EYS: variants seen among roughly 807,000 people sequenced by gnomAD.
The protein encoded by EYS is EGF-like photoreceptor maintenance factor, also known as protein eyes shut homolog.
A neutral mutation model predicts 282.1 loss-of-function variants in EYS; 250 were observed. The ratio of observed to expected loss-of-function variants is 0.89; its 90% CI spans 0.80 to 0.98. EYS has a LOEUF of 0.98. Among genes scored for constraint, EYS ranks in the 50% least tolerant of loss-of-function variants. The pLI, the probability that EYS is intolerant of heterozygous loss-of-function variation, is 0.00. For synonymous variants in EYS, 1,355 were observed against 1,282.9 expected, an observed-to-expected ratio of 1.06 and a Z score of -1.20; for missense variants, 4,016 against 3,709.0, an observed-to-expected ratio of 1.08 and a Z score of -2.15.
At chr6:64,406,026 A>G (rs1773694598) in intron 28 of EYS, among the ~76,000 whole-genome samples, 1 of 152,220 alleles carries the variant, frequency 6.6e-6, no homozygotes, top group South Asian at 2.1e-4. Context: ...AAAAGAATAA[A>G]GCTGGAGGCA....
At chr6:64,651,138 A>T (rs1314330131) in intron 22 of EYS, among the ~76,000 whole-genome samples, 1 of 152,106 alleles carries the variant, frequency 6.6e-6, no homozygotes, top group East Asian at 1.9e-4. Flanking sequence ...TGTCTTTCTA[A>T]CCTAAAAAAA....
At chr6:63,808,038 T>A (rs1021944232) in intron 36 of EYS, among the ~76,000 whole-genome samples, 1 of 152,222 alleles carries the variant, frequency 6.6e-6, no homozygotes, top group African/African-American at 2.4e-5. Context: ...AAAGGTTACA[T>A]TTAGGCTAGA....
At chr6:65,275,097 G>T (rs978956793) in intron 12 of EYS, among the ~76,000 whole-genome samples, 1 of 152,122 alleles carries the variant, frequency 6.6e-6, no homozygotes, top group Non-Finnish European at 1.5e-5. Flanking sequence ...CTGTCCCTTG[G>T]GTTGTATGAT....
Position 64,725,197 on chromosome 6 carries a change from T to G in EYS, c.3443+88181A>C, listed in dbSNP as rs1182477636. 2.0e-5 allele frequency among the ~76,000 whole-genome samples: 3 copies of G among 152,286 alleles called. No homozygotes were observed. The East Asian group carries it at 5.8e-4, about 29-fold the overall frequency. On this transcript the variant is annotated intron_variant, in intron 22 of 42. Coordinates refer to ENST00000503581, the MANE Select transcript of EYS (RefSeq NM_001142800.2). ...ATATGTAGGATATTAATAGTTCCCT[T>G]TGGACCACGATGTTCTTGACAATAA... is the stretch of plus-strand genomic sequence containing the variant.
intron 1 of EYS, among the ~76,000 whole-genome samples, chr6:65,706,732 C>A (rs1263661776): frequency 6.6e-6 from 1 of 152,082 alleles, no homozygotes. Flanking sequence ...ACTGAAAAAT[C>A]ATACAATTTC....
chr6:63,797,989 C>T (rs1453982554), intron 37 of EYS: 1 of 152,102 alleles, frequency 6.6e-6, no homozygotes, highest in Non-Finnish European at 1.5e-5. Flanking sequence ...CTCTTGCTGT[C>T]AGAGATGAGA....
chr6:64,571,511 C>T (rs1412742484), intron 26 of EYS, among the ~76,000 whole-genome samples: 1 of 151,880 alleles, frequency 6.6e-6, no homozygotes, highest in South Asian at 2.1e-4. Context: ...AAAATATTAA[C>T]AAAATAGATA....
intron 29 of EYS, among the ~76,000 whole-genome samples, chr6:64,342,003 G>A (rs1046863832): frequency 6.6e-6 from 1 of 151,600 alleles, no homozygotes. Context: ...ACTTATAAGA[G>A]GAGGAGGGAA....
chr6:65,631,097 T>C (rs1248232066), intron 2 of EYS, among the ~76,000 whole-genome samples: 1 of 152,214 alleles, frequency 6.6e-6, no homozygotes, highest in African/African-American at 2.4e-5. Flanking sequence ...AAACCTCTAA[T>C]TCGCAGGAAT....
intron 19 of EYS, among the ~76,000 whole-genome samples, chr6:64,873,022 G>A (rs1766641182): frequency 6.6e-6 from 1 of 152,062 alleles, no homozygotes; most frequent in Non-Finnish European, 1.5e-5. Flanking sequence ...GATCTGTAAG[G>A]AAATAACAAG....
chr6:65,527,421 A>T (rs1767610943), intron 2 of EYS, among the ~76,000 whole-genome samples: 1 of 152,212 alleles, frequency 6.6e-6, no homozygotes, highest in African/African-American at 2.4e-5. Context: ...CAGTAACATG[A>T]TGGAGAACAG....
intron 8 of EYS, among the ~76,000 whole-genome samples, chr6:65,362,813 AT>A (rs1280937639): frequency 6.6e-6 from 1 of 151,908 alleles, no homozygotes; most frequent in East Asian, 1.9e-4. Context: ...TGATGTATTT[AT>A]TTTTTCTCAA....
chr6:64,925,312 C>A (rs1768481006), intron 15 of EYS, among the ~76,000 whole-genome samples: 1 of 152,170 alleles, frequency 6.6e-6, no homozygotes, highest in Non-Finnish European at 1.5e-5. Context: ...GTCCCTCCCA[C>A]AATACATGGG....
intron 2 of EYS, among the ~76,000 whole-genome samples, chr6:65,631,483 A>T (rs1007818886): frequency 1.1e-4 from 17 of 151,950 alleles, no homozygotes; most frequent in East Asian, 3.9e-4. Context: ...TGGAAAAAAA[A>T]AAAAAAATCC....
chr6:64,710,525 C>T (rs1466356635), intron 22 of EYS, among the ~76,000 whole-genome samples: 1 of 152,190 alleles, frequency 6.6e-6, no homozygotes, highest in African/African-American at 2.4e-5. Context: ...GGCCCTTGAG[C>T]CGCTTGCTCT....
chr6:64,892,200 C>T (rs1767312623), intron 18 of EYS, among the ~76,000 whole-genome samples: 2 of 151,846 alleles, frequency 1.3e-5, no homozygotes, highest in Non-Finnish European at 2.9e-5. Flanking sequence ...ATTTCATTTA[C>T]ATTATTCTTA....
intron 31 of EYS, among the ~76,000 whole-genome samples, chr6:64,183,518 T>C (rs1764847420): frequency 6.6e-6 from 1 of 152,180 alleles, no homozygotes; most frequent in Admixed American, 6.5e-5. Flanking sequence ...ATTGAGGACA[T>C]TCAATACTGT....
At chr6:65,125,641 C>T (rs768585286) in intron 12 of EYS, among the ~76,000 whole-genome samples, 3 of 152,132 alleles carry the variant, frequency 2.0e-5, no homozygotes, top group Admixed American at 6.6e-5. Flanking sequence ...CTTACAGCTT[C>T]TACATCTCAC....
At chr6:63,929,838 A>T (rs1032097432) in intron 35 of EYS, among the ~76,000 whole-genome samples, 1 of 152,184 alleles carries the variant, frequency 6.6e-6, no homozygotes, top group African/African-American at 2.4e-5. Flanking sequence ...TTTCTTGATC[A>T]ATCAAATTCT....
Sources: allele counts gnomAD v4.1 joint callset (sites outside exome capture counted in the v4.1 genomes callset), GRCh38; gene constraint gnomAD v4.1.1; transcripts MANE v1.5; gene names NCBI Gene and HGNC (gene_info 2026-07-23, HGNC 2026-07-21).